Variants in DSCC1 observed in about 807,000 individuals in gnomAD.
DSCC1 encodes the protein DNA replication and sister chromatid cohesion 1.
A neutral mutation model predicts 48.2 loss-of-function variants in DSCC1; 32 were observed. The ratio of observed to expected loss-of-function variants is 0.66; its 90% CI spans 0.50 to 0.89. DSCC1 has a LOEUF of 0.89. Ranked by LOEUF, DSCC1 falls within the 40% of genes least tolerant of loss-of-function variation. The pLI is 0.00. For missense variants in DSCC1, 421 were observed against 471.7 expected (o/e 0.89, Z 1.00); for synonymous variants, 150 against 171.5 (o/e 0.87, Z 0.98).
At chr8:119,835,502 G>A (rs901133714) in intron 8 of DSCC1, among the ~76,000 whole-genome samples, 26 of 151,296 alleles carry the variant, frequency 1.7e-4, no homozygotes, top group African/African-American at 5.1e-4. Flanking sequence ...GTGAGACTCT[G>A]TCTCAAAAAA....
rs149869565 is a variant in DSCC1 at position 119,843,828 on chromosome 8, G to A, written c.578-81C>T. The A allele has an allele frequency of 3.1e-4, 435 of 1,407,546 alleles. 1 individual carries two copies. The African/African-American group carries it at 5.4e-3, about 17-fold the overall frequency. The allele number at this position is 1,407,546 out of a possible 1,614,324, so 87.2% of individuals were successfully genotyped here. A position where few individuals can be genotyped will look rare whatever the true frequency, so the allele number is the denominator to read the frequency against. On this transcript the variant is annotated intron_variant, in intron 4 of 8. Coordinates refer to ENST00000313655, the MANE Select transcript of DSCC1 (RefSeq NM_024094.3). ...TCTCAACTCTGTCACCCAAGCTGGA[G>A]TTCAGTGGCGTGATCTCAGCTCATC...
intron 4 of DSCC1, among the ~76,000 whole-genome samples, chr8:119,844,814 C>G (rs1272157385): frequency 6.6e-6 from 1 of 152,134 alleles, no homozygotes; most frequent in Non-Finnish European, 1.5e-5. Context: ...ATTAGAATGT[C>G]ATACAAATGA....
In DSCC1 at chr8:119,853,214, G is replaced by C. The variant is rs766305454; in HGVS notation, c.184C>G (p.Leu62Val). The C allele has an allele frequency of 1.7e-5, 28 of 1,600,544 alleles. No homozygotes were observed. Among genetic ancestry groups the C allele is most frequent in the Non-Finnish European group, 2.3e-5 (27 of 1,172,116 alleles). The change falls in exon 2 of 9, where the codon CTT becomes GTT. Residue 62 changes from leucine (L) to valine (V), a missense_variant and splice_region_variant. Leu to Val is a conservative substitution (Grantham distance 32). Around this residue, in one of 3 missense-constraint regions of DSCC1, gnomAD observed 174 missense variants for 184.5 expected, o/e 0.94. Transcript: ENST00000313655. ...TCGTCTTTATCACCACGAATCACAA[G>C]ACTGTAGCAAAATGGGGGAAAAATA... ...LCQQLEDGHS[L>V]VIRGDKDEQA...
intron 1 of DSCC1, among the ~76,000 whole-genome samples, chr8:119,854,827 G>T (rs1422904043): frequency 6.6e-6 from 1 of 152,130 alleles, no homozygotes; most frequent in Non-Finnish European, 1.5e-5. Context: ...TCTGAAGAAT[G>T]GCCAGTTTAC....
intron 8 of DSCC1, 78 bp downstream of exon 8, chr8:119,838,181 C>A: frequency 7.0e-7 from 1 of 1,429,308 alleles, no homozygotes; most frequent in Non-Finnish European, 9.2e-7. Flanking sequence ...AATTGTGTTC[C>A]AATCATAAAT....
At chr8:119,845,087 A>G (rs904696092) in intron 4 of DSCC1, among the ~76,000 whole-genome samples, 5 of 145,032 alleles carry the variant, frequency 3.4e-5, no homozygotes, top group African/African-American at 1.0e-4. Context: ...TTATTTATTT[A>G]TTTATTTATT....
intron 4 of DSCC1, 53 bp from the exon 5 acceptor site, chr8:119,843,800 G>A (rs1826810731): frequency 6.4e-7 from 1 of 1,553,386 alleles, no homozygotes; most frequent in Non-Finnish European, 8.7e-7. Flanking sequence ...TTTTAAGGCA[G>A]GGTCTCAACT....
At chr8:119,849,184 CAAAAAAA>C (rs550853227) in intron 3 of DSCC1, among the ~76,000 whole-genome samples, 6 of 29,506 alleles carry the variant, frequency 2.0e-4, no homozygotes, top group East Asian at 2.2e-3. Flanking sequence ...GACTCCCTCT[CAAAAAAA>C]AAAAAAAAAA....
intron 1 of DSCC1, among the ~76,000 whole-genome samples, chr8:119,853,762 C>T (rs1826975019): frequency 1.3e-5 from 2 of 152,172 alleles, no homozygotes; most frequent in Admixed American, 1.3e-4. Flanking sequence ...GTTCTGAGTA[C>T]CCCCTCACAA....
At chr8:119,842,674 C>G (rs1018181440) in intron 6 of DSCC1, 102 bp downstream of exon 6, 20 of 1,083,470 alleles carry the variant, frequency 1.8e-5, no homozygotes, top group Non-Finnish European at 2.5e-5. Context: ...GTGTGAGCCA[C>G]TGCACCCAGC....
chr8:119,841,457 G>A (rs937203534), intron 7 of DSCC1, among the ~76,000 whole-genome samples: 7 of 152,018 alleles, frequency 4.6e-5, no homozygotes, highest in Admixed American at 6.6e-5. Flanking sequence ...GGTGAGAAAC[G>A]GAACAAAATG....
At position 119,836,154 on chromosome 8, in the gene DSCC1, A is replaced by G. The variant is rs1419766482; in HGVS notation, c.1074-1153T>C. ...ATGGTGAAACCCTGTCTCTACTAAA[A>G]ACACAAGAATTAGCTGGGCATGGTG... On this transcript the variant is annotated intron_variant, in intron 8 of 8. Transcript: ENST00000313655. 2.6e-5 allele frequency among the ~76,000 whole-genome samples: 4 copies of G among 152,334 alleles called. No individual in the cohort carries two copies. The East Asian group carries it at 7.7e-4, about 29-fold the overall frequency.
At chr8:119,850,198 G>T (rs1265862117) in intron 3 of DSCC1, among the ~76,000 whole-genome samples, 184 bp downstream of exon 3, 1 of 152,112 alleles carries the variant, frequency 6.6e-6, no homozygotes, top group Non-Finnish European at 1.5e-5. Context: ...TCAAGTGAAT[G>T]ACAAATATAT....
intron 6 of DSCC1, among the ~76,000 whole-genome samples, chr8:119,842,246 T>C (rs1195651179): frequency 2.6e-5 from 4 of 151,984 alleles, no homozygotes; most frequent in Non-Finnish European, 5.9e-5. Flanking sequence ...GCTAATTTTT[T>C]TATTTTTAGT....
At position 119,853,035 on chromosome 8, in the gene DSCC1, A is replaced by G; in HGVS notation, c.351+12T>C. ...CTCAGACTTTTATAAATCAGAGTAC[A>G]GAAAAGAGCACCTCAGTGTGAATAA... On this transcript the variant is annotated intron_variant, in intron 2 of 8. Coordinates refer to ENST00000313655, the MANE Select transcript of DSCC1 (RefSeq NM_024094.3). 1.3e-6 allele frequency: 2 copies of G among 1,589,202 alleles called. No homozygotes were observed. The highest frequency in any genetic ancestry group is 1.7e-6 in the Non-Finnish European group (2 of 1,165,080).
intron 1 of DSCC1, among the ~76,000 whole-genome samples, chr8:119,855,354 G>T (rs1827001148): frequency 6.6e-6 from 1 of 152,144 alleles, no homozygotes; most frequent in African/African-American, 2.4e-5. Flanking sequence ...AAAACTTCAC[G>T]GAGGTTGTAT....
chr8:119,845,926 G>A (rs1386215476), intron 4 of DSCC1, among the ~76,000 whole-genome samples: 1 of 152,052 alleles, frequency 6.6e-6, no homozygotes, highest in Non-Finnish European at 1.5e-5. Context: ...TCCAGCCTGG[G>A]TGACAGAGTG....
intron 7 of DSCC1, chr8:119,839,687 T>G (rs1687688788): frequency 6.6e-6 from 1 of 152,230 alleles, no homozygotes; most frequent in South Asian, 2.1e-4. Context: ...TAGAAAGAGT[T>G]GAAAGTCCTT....
intron 8 of DSCC1, 27 bp downstream of exon 8, chr8:119,838,231 CA>C: frequency 6.6e-7 from 1 of 1,517,646 alleles, no homozygotes; most frequent in Non-Finnish European, 8.8e-7. Context: ...GAACGACCCT[CA>C]AAATCCGTCT....
Sources: gnomAD v4.1 joint callset for allele counts (sites outside exome capture counted in the v4.1 genomes callset) on GRCh38, gnomAD v4.1.1 for gene constraint, gnomAD v4.1.1 regional missense constraint, MANE v1.5 for transcripts, NCBI Gene and HGNC (gene_info 2026-07-23, HGNC 2026-07-21) for gene names.